Variants in RIMS1 observed in about 807,000 individuals in gnomAD.
RIMS1 encodes the protein regulating synaptic membrane exocytosis protein 1.
A neutral mutation model predicts 214.1 loss-of-function variants in RIMS1; 83 were observed. That is an observed-to-expected ratio of 0.39 (90% confidence interval 0.32 to 0.47). RIMS1 has a LOEUF of 0.47. Among genes scored for constraint, RIMS1 ranks in the 20% least tolerant of loss-of-function variants. The probability of loss-of-function intolerance (pLI) is 0.99; values close to 1 mark genes in which losing one functional copy is unlikely to be tolerated. For missense variants in RIMS1, 2,050 were observed against 2,161.8 expected (o/e 0.95, Z 1.03); for synonymous variants, 793 against 786.8 (o/e 1.01, Z -0.13).
intron 4 of RIMS1, among the ~76,000 whole-genome samples, chr6:72,116,358 G>T (rs946127768): frequency 6.6e-6 from 1 of 151,872 alleles, no homozygotes; most frequent in Non-Finnish European, 1.5e-5. Flanking sequence ...TCTGAGTGGG[G>T]GTCAAGGTGT....
chr6:71,954,469 C>T (rs1414356611), intron 1 of RIMS1, among the ~76,000 whole-genome samples: 1 of 152,042 alleles, frequency 6.6e-6, no homozygotes, highest in African/African-American at 2.4e-5. Context: ...CTACATAAAC[C>T]TGTTTCTTAG....
chr6:71,999,005 A>G (rs940720360), intron 2 of RIMS1, among the ~76,000 whole-genome samples: 13 of 151,992 alleles, frequency 8.6e-5, no homozygotes, highest in Middle Eastern at 3.2e-3. Context: ...GTAGTTTTCT[A>G]TGTAGGTCTT....
intron 17 of RIMS1, 116 bp from the exon 18 acceptor site, chr6:72,258,870 G>A: frequency 3.1e-6 from 3 of 980,906 alleles, no homozygotes; most frequent in Admixed American, 3.6e-5. Context: ...TGATTATGAT[G>A]CAAATACTTT....
At chr6:72,253,402 G>T (rs900749961) in intron 16 of RIMS1, among the ~76,000 whole-genome samples, 2 of 152,092 alleles carry the variant, frequency 1.3e-5, no homozygotes, top group African/African-American at 4.8e-5. Flanking sequence ...ACATCTCTTT[G>T]TCATTGTGTA....
chr6:72,144,478 AT>A (rs1245218647), intron 4 of RIMS1, among the ~76,000 whole-genome samples: 20 of 152,172 alleles, frequency 1.3e-4, no homozygotes, highest in African/African-American at 4.3e-4. Flanking sequence ...GTAGACATTT[AT>A]CAAAATGAAA....
At position 72,274,374 on chromosome 6, in the gene RIMS1, A is replaced by AG; in HGVS notation, c.3426dup (p.Arg1143GlufsTer5). Reference sequence around the variant, plus strand: ...GGGTAGATGGTCCCCCTCCCTAGATAGGAGACGACCTCCTAGTCCCAGGAT... The same window carrying AG: ...GGGTAGATGGTCCCCCTCCCTAGATAGGGAGACGACCTCCTAGTCCCAGGAT... On this transcript the variant is annotated frameshift_variant, in exon 23 of 34. Transcript: ENST00000521978. LOFTEE classifies it high-confidence loss of function. 1.9e-6 allele frequency: 3 copies of AG among 1,612,818 alleles called. No individual in the cohort carries two copies. The highest frequency in any genetic ancestry group is 2.5e-6 in the Non-Finnish European group (3 of 1,179,106).
chr6:72,148,561 C>T, intron 4 of RIMS1: 1 of 456,590 alleles, frequency 2.2e-6, no homozygotes, highest in Non-Finnish European at 4.4e-6. Flanking sequence ...TGTCAGTAAC[C>T]TTGAGTTCCC....
At chr6:71,968,296 C>G (rs1305776442) in intron 1 of RIMS1, among the ~76,000 whole-genome samples, 9 of 152,184 alleles carry the variant, frequency 5.9e-5, no homozygotes, top group Non-Finnish European at 1.3e-4. Flanking sequence ...TCCTGCTGCC[C>G]TTTGGAGCTT....
chr6:72,206,850 A>G (rs1166438214), intron 6 of RIMS1, among the ~76,000 whole-genome samples: 1 of 152,204 alleles, frequency 6.6e-6, no homozygotes, highest in East Asian at 1.9e-4. Flanking sequence ...ACCCATCTGC[A>G]CTACCTTTCA....
At chr6:72,016,047 C>T (rs1247769627) in intron 2 of RIMS1, among the ~76,000 whole-genome samples, 1 of 149,188 alleles carries the variant, frequency 6.7e-6, no homozygotes, top group Non-Finnish European at 1.5e-5. Flanking sequence ...AATGCTTTAT[C>T]TGCATCTTTT....
At chr6:72,304,668 C>CAAA (rs776731253) in intron 26 of RIMS1, among the ~76,000 whole-genome samples, 1 of 151,792 alleles carries the variant, frequency 6.6e-6, no homozygotes, top group Non-Finnish European at 1.5e-5. Flanking sequence ...GAAGGTTTTT[C>CAAA]AGCGATTATG....
intron 2 of RIMS1, among the ~76,000 whole-genome samples, chr6:72,079,046 C>G (rs901973462): frequency 6.6e-6 from 1 of 152,010 alleles, no homozygotes; most frequent in African/African-American, 2.4e-5. Flanking sequence ...TTAAAAAGCC[C>G]TAAGAGTTGG....
intron 6 of RIMS1, among the ~76,000 whole-genome samples, chr6:72,201,288 T>C (rs1048255311): frequency 5.3e-5 from 8 of 152,200 alleles, no homozygotes; most frequent in Non-Finnish European, 7.3e-5. Flanking sequence ...ATATAGAACT[T>C]TTAAAAAGAT....
In RIMS1 at chr6:72,316,678, C is replaced by T. The variant is rs984972033; in HGVS notation, c.4130+3006C>T. 4 of 591,620 alleles carry T rather than the reference C, an allele frequency of 6.8e-6. No homozygotes were observed. The African/African-American group carries it at 7.4e-5, about 11-fold the overall frequency. 36.6% of individuals were successfully genotyped at this position (591,620 alleles called of 1,614,324 possible). On this transcript the variant is annotated intron_variant, in intron 28 of 33. Transcript: ENST00000521978. ...ATGGCTGACCCAAATGTCATAGATG[C>T]TTTTATTGGGTGGCACCTCCTGGAA... is the stretch of plus-strand genomic sequence containing the variant.
intron 2 of RIMS1, among the ~76,000 whole-genome samples, chr6:72,034,357 G>A (rs549210112): frequency 8.6e-5 from 13 of 151,996 alleles, no homozygotes; most frequent in South Asian, 8.3e-4. Flanking sequence ...TGTCAATCCC[G>A]CTTATTAATA....
At chr6:72,209,145 T>A (rs1233588158) in intron 6 of RIMS1, among the ~76,000 whole-genome samples, 2 of 152,216 alleles carry the variant, frequency 1.3e-5, no homozygotes, top group African/African-American at 4.8e-5. Context: ...AAAACAATAA[T>A]TTACATACCT....
chr6:72,294,573 G>A (rs976114050), intron 26 of RIMS1, among the ~76,000 whole-genome samples: 47 of 151,458 alleles, frequency 3.1e-4, no homozygotes, highest in Admixed American at 2.0e-3. Context: ...TTAATATACC[G>A]TTTCTGGGTA....
At chr6:72,056,826 G>C (rs1391320122) in intron 2 of RIMS1, among the ~76,000 whole-genome samples, 1 of 152,078 alleles carries the variant, frequency 6.6e-6, no homozygotes, top group Non-Finnish European at 1.5e-5. Flanking sequence ...ATAATAAATA[G>C]ATTACCTAAA....
chr6:72,358,601 G>C (rs976216401), intron 29 of RIMS1, among the ~76,000 whole-genome samples: 7 of 152,108 alleles, frequency 4.6e-5, no homozygotes, highest in Non-Finnish European at 7.4e-5. Context: ...AACAAAGAAG[G>C]GGAGGCAGTT....
Sources: gnomAD v4.1 joint callset for allele counts (sites outside exome capture counted in the v4.1 genomes callset) on GRCh38, gnomAD v4.1.1 for gene constraint, MANE v1.5 for transcripts, NCBI Gene and HGNC (gene_info 2026-07-23, HGNC 2026-07-21) for gene names.